Variants in SLMAP observed in about 807,000 individuals in gnomAD.
The protein encoded by SLMAP is sarcolemmal membrane-associated protein.
In SLMAP, 44 loss-of-function variants were observed where a neutral mutation model predicts 128.8. The ratio of observed to expected loss-of-function variants is 0.34; its 90% CI spans 0.27 to 0.44. The LOEUF is 0.44. SLMAP is among the 20% of genes least tolerant of loss of function. The pLI is 1.00. For synonymous variants in SLMAP, 327 were observed against 348.8 expected (o/e 0.94, Z 0.70); for missense variants, 787 against 985.3 (o/e 0.80, Z 2.69).
intron 2 of SLMAP, among the ~76,000 whole-genome samples, chr3:57,819,534 C>T (rs927326610): frequency 3.3e-5 from 5 of 152,082 alleles, no homozygotes; most frequent in Non-Finnish European, 7.4e-5. Context: ...TTTTACCAAT[C>T]TTTAATGGAA....
intron 2 of SLMAP, among the ~76,000 whole-genome samples, chr3:57,811,727 T>A (rs1382188865): frequency 6.6e-6 from 1 of 152,212 alleles, no homozygotes; most frequent in African/African-American, 2.4e-5. Context: ...TTCCAATTTC[T>A]CCACATCTTT....
chr3:57,902,248 A>G (rs988202093), intron 17 of SLMAP: 1 of 152,176 alleles, frequency 6.6e-6, no homozygotes, highest in African/African-American at 2.4e-5. Context: ...AACATTTTAG[A>G]GTTTTTTTAT....
intron 14 of SLMAP, among the ~76,000 whole-genome samples, chr3:57,888,663 A>G (rs1446976319): frequency 6.6e-6 from 1 of 152,134 alleles, no homozygotes; most frequent in Non-Finnish European, 1.5e-5. Context: ...ACTCTTGAGG[A>G]TGGTAGTAGA....
intron 6 of SLMAP, among the ~76,000 whole-genome samples, chr3:57,856,197 T>A (rs1442574875): frequency 1.3e-5 from 2 of 152,128 alleles, no homozygotes; most frequent in Non-Finnish European, 2.9e-5. Context: ...CACTCCAGCC[T>A]GGGTGACAGA....
intron 13 of SLMAP, among the ~76,000 whole-genome samples, chr3:57,868,298 A>G (rs944329855): frequency 6.6e-6 from 1 of 151,996 alleles, no homozygotes; most frequent in African/African-American, 2.4e-5. Context: ...CCACATACAT[A>G]ATTTTAAATT....
At chr3:57,853,008 A>G (rs2094562851) in intron 6 of SLMAP, among the ~76,000 whole-genome samples, 1 of 152,274 alleles carries the variant, frequency 6.6e-6, no homozygotes, top group South Asian at 2.1e-4. Context: ...CTAAAAGACC[A>G]TTCCTGGACA....
intron 17 of SLMAP, among the ~76,000 whole-genome samples, chr3:57,906,306 T>C (rs1465512015): frequency 3.4e-5 from 4 of 117,002 alleles, no homozygotes; most frequent in East Asian, 6.9e-4. Context: ...TTTTCTTTTT[T>C]TTTCTTTTTT....
intron 2 of SLMAP, among the ~76,000 whole-genome samples, chr3:57,815,424 C>G (rs2091719531): frequency 6.6e-6 from 1 of 151,992 alleles, no homozygotes. Flanking sequence ...TTAGTGACTT[C>G]CTTCTATGCA....
At chr3:57,908,969 C>T in intron 18 of SLMAP, 107 bp from the exon 19 acceptor site, 1 of 760,234 alleles carries the variant, frequency 1.3e-6, no homozygotes, top group Non-Finnish European at 2.2e-6. Context: ...TTGTTTCTTT[C>T]AATAATCTTT....
At chr3:57,835,287 GC>G (rs2093584118) in intron 3 of SLMAP, among the ~76,000 whole-genome samples, 1 of 146,296 alleles carries the variant, frequency 6.8e-6, no homozygotes, top group South Asian at 2.1e-4. Context: ...CGCTCCCCTG[GC>G]CCCCAAATTT....
chr3:57,864,739 GATTTT>G (rs763604062), intron 11 of SLMAP, 23 bp downstream of exon 11: 17 of 1,571,686 alleles, frequency 1.1e-5, no homozygotes, highest in East Asian at 2.3e-5. Flanking sequence ...TCCAGAAATT[GATTTT>G]ATTTTATTTT....
intron 13 of SLMAP, among the ~76,000 whole-genome samples, chr3:57,867,673 TAATG>T (rs1192236306): frequency 6.6e-6 from 1 of 152,182 alleles, no homozygotes; most frequent in African/African-American, 2.4e-5. Context: ...TCACTTATAA[TAATG>T]AACCAATTTT....
intron 2 of SLMAP, among the ~76,000 whole-genome samples, chr3:57,789,717 C>T (rs1187107267): frequency 6.6e-6 from 1 of 152,214 alleles, no homozygotes; most frequent in Non-Finnish European, 1.5e-5. Flanking sequence ...TGTAATTCAA[C>T]ACAAATTAGA....
At chr3:57,884,702 G>A (rs1257186533) in intron 14 of SLMAP, among the ~76,000 whole-genome samples, 1 of 152,094 alleles carries the variant, frequency 6.6e-6, no homozygotes, top group African/African-American at 2.4e-5. Flanking sequence ...CCAGCTACTT[G>A]GGAGGCTGAG....
At chr3:57,898,816 T>C (rs1209016579) in intron 17 of SLMAP, 1 of 152,200 alleles carries the variant, frequency 6.6e-6, no homozygotes, top group Non-Finnish European at 1.5e-5. Context: ...AGGTTTGCCA[T>C]TTATTTGTAA....
intron 2 of SLMAP, among the ~76,000 whole-genome samples, chr3:57,769,680 A>C (rs2080439465): frequency 6.6e-6 from 1 of 152,212 alleles, no homozygotes; most frequent in East Asian, 1.9e-4. Flanking sequence ...GGATATAGGA[A>C]GTAGAAGACA....
intron 13 of SLMAP, among the ~76,000 whole-genome samples, chr3:57,868,814 ATATATAT>A (rs1296270967): frequency 0.019 from 2,456 of 127,754 alleles, 69 homozygotes; most frequent in African/African-American, 0.066. Context: ...ATATATATAT[ATATATAT>A]AAAATATATA....
chr3:57,784,128 C>G (rs1403940741), intron 2 of SLMAP, among the ~76,000 whole-genome samples: 1 of 152,150 alleles, frequency 6.6e-6, no homozygotes, highest in Non-Finnish European at 1.5e-5. Flanking sequence ...AGAGCCACTA[C>G]TGAAAGTTCC....
At chr3:57,925,744 T>G in intron 23 of SLMAP, 101 bp from the exon 24 acceptor site, 1 of 764,878 alleles carries the variant, frequency 1.3e-6, no homozygotes, top group Admixed American at 2.3e-5. Flanking sequence ...CTTCTATTAT[T>G]TCATTCTTTC....
Sources: gnomAD v4.1 joint callset for allele counts (sites outside exome capture counted in the v4.1 genomes callset) on GRCh38, gnomAD v4.1.1 for gene constraint, MANE v1.5 for transcripts, NCBI Gene and HGNC (gene_info 2026-07-23, HGNC 2026-07-21) for gene names.